SEM1: variants seen among roughly 807,000 people sequenced by gnomAD.
SEM1 encodes SEM1 26S proteasome subunit.
SEM1 carries 3 observed loss-of-function variants against 12.7 expected under a neutral mutation model. The observed-to-expected ratio is 0.24, with a 90% confidence interval of 0.11 to 0.61. The LOEUF (loss-of-function observed/expected upper bound fraction) is 0.61, where lower values mean the gene tolerates loss of function less well. Among genes scored for constraint, SEM1 ranks in the 20% least tolerant of loss-of-function variants. The probability of loss-of-function intolerance (pLI) is 0.88; values close to 1 mark genes in which losing one functional copy is unlikely to be tolerated. For synonymous variants in SEM1, 30 were observed against 27.8 expected, an observed-to-expected ratio of 1.08 and a Z score of -0.25; for missense variants, 59 against 81.3, an observed-to-expected ratio of 0.73 and a Z score of 1.06.
At chr7:96,527,121 T>G (rs1045426913) in intron 2 of SEM1, among the ~76,000 whole-genome samples, 1 of 151,770 alleles carries the variant, frequency 6.6e-6, no homozygotes, top group Non-Finnish European at 1.5e-5. Context: ...AGATGAAAGA[T>G]ATATAATGCA....
intron 1 of SEM1, among the ~76,000 whole-genome samples, chr7:96,699,699 T>C (rs1790211609): frequency 6.6e-6 from 1 of 152,224 alleles, no homozygotes; most frequent in Non-Finnish European, 1.5e-5. Context: ...TGTACATAAC[T>C]GGAAGTAATC....
intron 2 of SEM1, among the ~76,000 whole-genome samples, chr7:96,604,318 T>G (rs1416635031): frequency 2.6e-5 from 4 of 152,190 alleles, no homozygotes; most frequent in African/African-American, 9.7e-5. Context: ...ATGTCTCTGG[T>G]TTGTCTGGAA....
intron 2 of SEM1, among the ~76,000 whole-genome samples, chr7:96,651,515 C>G (rs1007758657): frequency 1.8e-4 from 28 of 152,278 alleles, no homozygotes; most frequent in Non-Finnish European, 3.7e-4. Context: ...ATCATCAGGA[C>G]TGAAGAAGAA....
chr7:96,700,497 T>G (rs1790236848), intron 1 of SEM1, among the ~76,000 whole-genome samples: 1 of 152,178 alleles, frequency 6.6e-6, no homozygotes, highest in African/African-American at 2.4e-5. Context: ...TACAGGTGGG[T>G]TCCATATCCT....
downstream of SEM1, among the ~76,000 whole-genome samples, chr7:96,670,681 G>T (rs892201780): frequency 6.6e-6 from 1 of 152,166 alleles, no homozygotes; most frequent in Non-Finnish European, 1.5e-5. Context: ...GAGGAGCAAA[G>T]CATTGTTTGA....
At chr7:96,694,700 A>T (rs1428570617) in intron 2 of SEM1, 98 bp downstream of exon 2, 1 of 768,290 alleles carries the variant, frequency 1.3e-6, no homozygotes, top group Non-Finnish European at 2.2e-6. Flanking sequence ...TATTTCAAAG[A>T]TTAAGTAGCT....
chr7:96,542,522 A>G (rs1804987726), intron 2 of SEM1, among the ~76,000 whole-genome samples: 1 of 151,874 alleles, frequency 6.6e-6, no homozygotes, highest in African/African-American at 2.4e-5. Flanking sequence ...TGAAAACCCT[A>G]TTATCTTGAT....
chr7:96,637,443 T>G (rs2116371585), intron 2 of SEM1: 1 of 152,180 alleles, frequency 6.6e-6, no homozygotes, highest in East Asian at 1.9e-4. Flanking sequence ...AATATGTGTA[T>G]GTACTTACAA....
chr7:96,539,942 G>A (rs1804896795), intron 2 of SEM1, among the ~76,000 whole-genome samples: 1 of 150,706 alleles, frequency 6.6e-6, no homozygotes, highest in African/African-American at 2.4e-5. Flanking sequence ...AGCAAAACCT[G>A]CAATTACTTT....
intron 2 of SEM1, among the ~76,000 whole-genome samples, chr7:96,648,994 C>A (rs564833167): frequency 6.6e-6 from 1 of 152,300 alleles, no homozygotes; most frequent in South Asian, 2.1e-4. Flanking sequence ...CCAATAAGGT[C>A]GCTTTCTGCG....
chr7:96,626,228 C>T (rs887078832), intron 2 of SEM1, among the ~76,000 whole-genome samples: 1 of 152,052 alleles, frequency 6.6e-6, no homozygotes, highest in Non-Finnish European at 1.5e-5. Context: ...TCCATAAGTG[C>T]AATTGCTTTG....
At chr7:96,659,913 C>CAAAAAAAAAAA (rs71529826) in intron 2 of SEM1, among the ~76,000 whole-genome samples, 26 of 66,688 alleles carry the variant, frequency 3.9e-4, no homozygotes, top group South Asian at 1.1e-3. Flanking sequence ...AGTAAGATGG[C>CAAAAAAAAAAA]AAAAAAAAAA....
chr7:96,691,978 C>T (rs1209352371), intron 2 of SEM1, among the ~76,000 whole-genome samples: 1 of 152,060 alleles, frequency 6.6e-6, no homozygotes, highest in East Asian at 1.9e-4. Flanking sequence ...CTAATGGAGG[C>T]ATCAAGATTT....
rs571972578 is a variant in SEM1, at chr7:96,637,662, C to T, written c.171-15019G>A. On this transcript the variant is annotated intron_variant, in intron 2 of 2. Coordinates refer to the SEM1 transcript ENST00000417009. ...TCAGTTTAAATGCTAAGATAATGTA[C>T]TTCTGCATAAGATGAAAGAGACACC... 3.3e-5 allele frequency among the ~76,000 whole-genome samples: 5 copies of T among 152,092 alleles called. No individual in the cohort carries two copies. The South Asian group carries it at 1.0e-3, about 32-fold the overall frequency.
intron 1 of SEM1, among the ~76,000 whole-genome samples, chr7:96,703,214 G>A (rs114357249): frequency 2.4e-4 from 36 of 152,266 alleles, no homozygotes; most frequent in African/African-American, 8.4e-4. Flanking sequence ...GAAATTTCAT[G>A]TTGGTACTCA....
At chr7:96,541,944 CT>C (rs34050482) in intron 2 of SEM1, among the ~76,000 whole-genome samples, 42,834 of 91,900 alleles carry the variant, frequency 0.47, 8,957 homozygotes, top group East Asian at 0.69. Flanking sequence ...GCCTATGTGT[CT>C]TTTTTTTTTT....
Position 96,615,241 on chromosome 7 carries a change from C to CTTTTTTTTT in SEM1, c.170+79548_170+79556dup, listed in dbSNP as rs60940244. On this transcript the variant is annotated intron_variant and NMD_transcript_variant, in intron 2 of 3. Coordinates refer to the SEM1 transcript ENST00000466986. ...ACTGTTGGGTTATTTTTTGAGTCAT[C>CTTTTTTTTT]TTTTTTTTTTTTTTTTTTTTTTTTG... Among the ~76,000 whole-genome samples, 147 of 126,372 alleles carry CTTTTTTTTT rather than the reference C, an allele frequency of 1.2e-3. 4 individuals carry two copies. Among genetic ancestry groups the CTTTTTTTTT allele is most frequent in the African/African-American group, 3.5e-3 (110 of 31,500 alleles). The allele number at this position is 126,372 out of a possible 152,430, so 82.9% of individuals were successfully genotyped here.
At position 96,484,761 on chromosome 7, in the gene SEM1, A is replaced by C. The variant is rs556389574; in HGVS notation, c.257+64T>G. On this transcript the variant is annotated intron_variant, in intron 3 of 3. Transcript: ENST00000356686. ...TTTCACTGGCATCACTGGGTGCCTTAAAAATCCTCTCACCATACAGAAAAG... is the reference window on the plus strand; with the variant it reads ...TTTCACTGGCATCACTGGGTGCCTTCAAAATCCTCTCACCATACAGAAAAG... The C allele has an allele frequency of 4.7e-6, 5 of 1,069,622 alleles. No homozygotes were observed. In the African/African-American group the frequency reaches 8.2e-5, roughly 18 times the overall value. 66.3% of individuals were successfully genotyped at this position (1,069,622 alleles called of 1,614,324 possible). A position where few individuals can be genotyped will look rare whatever the true frequency, so the allele number is the denominator to read the frequency against.
At chr7:96,523,805 C>A (rs1207402895) in intron 2 of SEM1, among the ~76,000 whole-genome samples, 2 of 152,128 alleles carry the variant, frequency 1.3e-5, no homozygotes, top group Non-Finnish European at 2.9e-5. Flanking sequence ...CAAAACTTAG[C>A]CTCCATCACC....
Sources: gnomAD v4.1 joint callset for allele counts (sites outside exome capture counted in the v4.1 genomes callset) on GRCh38, gnomAD v4.1.1 for gene constraint, MANE v1.5 for transcripts, NCBI Gene and HGNC (gene_info 2026-07-23, HGNC 2026-07-21) for gene names.